Variants in EPHB4 observed in about 807,000 individuals in gnomAD.
The protein encoded by EPHB4 is EPH receptor B4, also known as ephrin type-B receptor 4.
Under a neutral mutation model 110.6 loss-of-function variants are expected in EPHB4, and 50 were observed. The observed-to-expected ratio is 0.45, with a 90% CI of 0.36 to 0.57. The LOEUF is 0.57. EPHB4 is among the 20% of genes least tolerant of loss of function. EPHB4 has a pLI of 0.00. For synonymous variants in EPHB4, 592 were observed against 578.4 expected (o/e 1.02, Z -0.34); for missense variants, 1,128 against 1,382.1 (o/e 0.82, Z 2.91).
chr7:100,816,536 G>A (rs1479710816), intron 8 of EPHB4, among the ~76,000 whole-genome samples: 2 of 151,960 alleles, frequency 1.3e-5, no homozygotes, highest in East Asian at 3.9e-4. Flanking sequence ...GTTTCACCAT[G>A]CTGGTCAGAC....
At chr7:100,803,618 G>A (rs1812749028) in intron 16 of EPHB4, 28 bp from the exon 17 acceptor site, 2 of 1,574,510 alleles carry the variant, frequency 1.3e-6, no homozygotes, top group African/African-American at 1.3e-5. Context: ...AGCTTGGTGA[G>A]ACCCTAGGTT....
At chr7:100,825,352 G>C (rs979407043) in intron 1 of EPHB4, 2 of 152,246 alleles carry the variant, frequency 1.3e-5, no homozygotes, top group East Asian at 1.9e-4. Flanking sequence ...TTCTGGGAAG[G>C]GGGTGGATAG....
chr7:100,825,217 C>T (rs1465761692), intron 1 of EPHB4: 2 of 152,170 alleles, frequency 1.3e-5, no homozygotes, highest in Admixed American at 6.5e-5. Context: ...CAGCCTCTTC[C>T]TGGGGACCAA....
rs1353584273 is a variant in EPHB4 at position 100,818,523 on chromosome 7, C to T, written c.1419G>A (p.Glu473=). 1.9e-6 allele frequency: 3 copies of T among 1,614,014 alleles called. No individual in the cohort carries two copies. The highest frequency in any genetic ancestry group is 2.5e-6 in the Non-Finnish European group (3 of 1,179,964). ...AVLDYEVKYH[E]KGAEGPSSVR... Reference sequence around the variant, plus strand: ...CAGGGCTGGGGGATGGCCTTACCTTCTCATGGTATTTGACCTCGTAGTCCA... The same window carrying T: ...CAGGGCTGGGGGATGGCCTTACCTTTTCATGGTATTTGACCTCGTAGTCCA... The change falls in exon 7 of 17, where the codon GAG becomes GAA. Residue 473 remains glutamate (E), a synonymous_variant. Coordinates refer to ENST00000358173, the MANE Select transcript of EPHB4 (RefSeq NM_004444.5).
In EPHB4 at chr7:100,822,995, G is replaced by T. The variant is rs1813275345; in HGVS notation, c.412-328C>A. On this transcript the variant is annotated intron_variant, in intron 3 of 16. Coordinates refer to ENST00000358173, the MANE Select transcript of EPHB4 (RefSeq NM_004444.5). The surrounding 1 kb of genome is among the most constrained non-coding windows in gnomAD (Gnocchi z 4.7). The stretch of plus-strand genomic sequence containing the variant: ...GAATGAATCCTGGGGAAGTTATAAA[G>T]TACCATGAGGCCGGGCGTAGTGCCT... Among the ~76,000 whole-genome samples the T allele has an allele frequency of 6.6e-6, 1 of 152,130 alleles. No individual in the cohort carries two copies. The highest frequency in any genetic ancestry group is 6.6e-5 in the Admixed American group (1 of 15,266).
Position 100,820,192 on chromosome 7 carries a change from G to C in EPHB4, c.913C>G (p.Arg305Gly). ...NTIGSAVCQCRVGYFRARTDP... is the reference protein window; with the variant it reads ...NTIGSAVCQCGVGYFRARTDP... ...GTGCGTGCCCGGAAGTACCCGACGC[G>C]GCACTGGCAGACGGCTGATCCAATG... The change falls in exon 5 of 17, where the codon CGC becomes GGC. Residue 305 changes from arginine (R) to glycine (G), a missense_variant. Physicochemically the swap from Arg to Gly is moderately radical, Grantham distance 125 (BLOSUM62 -2). Around this residue, in one of 3 missense-constraint regions of EPHB4, gnomAD observed 728 missense variants for 828.6 expected, o/e 0.88. Transcript: ENST00000358173. The C allele has an allele frequency of 6.2e-7, 1 of 1,614,102 alleles. No individual in the cohort carries two copies. The highest frequency in any genetic ancestry group is 8.5e-7 in the Non-Finnish European group (1 of 1,180,024).
chr7:100,806,126 AT>A, intron 14 of EPHB4: 1 of 248,204 alleles, frequency 4.0e-6, no homozygotes, highest in Non-Finnish European at 7.6e-6. Flanking sequence ...TGCTGGGCTA[AT>A]TTTTTGTATT....
intron 12 of EPHB4, among the ~76,000 whole-genome samples, chr7:100,809,359 G>C (rs1812881437): frequency 6.6e-6 from 1 of 151,580 alleles, no homozygotes; most frequent in African/African-American, 2.4e-5. Flanking sequence ...CACCTGCCCC[G>C]GCCTCCCCAA....
At position 100,814,137 on chromosome 7, in the gene EPHB4, A is replaced by AC. The variant is rs1173220417; in HGVS notation, c.1589-117_1589-116insG. ...AGAACAGGTCCCCAGTACAGGGGAC[A>AC]GGTGGAGGGAGAGGACACAAGCAGG... On this transcript the variant is annotated intron_variant, in intron 8 of 16. Coordinates refer to ENST00000358173, the MANE Select transcript of EPHB4 (RefSeq NM_004444.5). 4.6e-6 allele frequency: 5 copies of AC among 1,091,870 alleles called. No individual in the cohort carries two copies. In the African/African-American group the frequency reaches 7.9e-5, roughly 17 times the overall value. 67.6% of individuals were successfully genotyped at this position (1,091,870 alleles called of 1,614,324 possible). A position where few individuals can be genotyped will look rare whatever the true frequency, so the allele number is the denominator to read the frequency against.
intron 13 of EPHB4, 96 bp from the exon 14 acceptor site, chr7:100,806,665 T>C: frequency 1.4e-6 from 2 of 1,437,800 alleles, no homozygotes; most frequent in Non-Finnish European, 1.9e-6. Context: ...CCTCTGCTTT[T>C]TCCCCCTAGC....
Position 100,807,390 on chromosome 7 carries a change from G to C in EPHB4, c.2309C>G (p.Ser770Cys), listed in dbSNP as rs764351124. The C allele has an allele frequency of 6.2e-7, 1 of 1,613,880 alleles. No homozygotes were observed. The highest frequency in any genetic ancestry group is 1.7e-5 in the Admixed American group (1 of 59,972). ...CAGGGAGCTCGTGTAGGTGGGATCG[G>C]AAGAGTTCTCCTCCAGGAATCGGGA... ...GLSRFLEENS[S>C]DPTYTSSLGG... is the part of the protein sequence containing the mutation. Residue 770 changes from serine to cysteine, a missense_variant, in exon 13 of 17, where the codon TCC becomes TGC. Physicochemically the swap from Ser to Cys is moderately radical, Grantham distance 112. Transcript: ENST00000358173.
intron 12 of EPHB4, among the ~76,000 whole-genome samples, chr7:100,809,376 G>C (rs529365201): frequency 3.3e-5 from 5 of 152,178 alleles, no homozygotes; most frequent in Non-Finnish European, 5.9e-5. Context: ...CCAAGTGCTG[G>C]GATCACAAGT....
intron 8 of EPHB4, among the ~76,000 whole-genome samples, chr7:100,816,459 G>A (rs557505031): frequency 2.0e-5 from 3 of 151,530 alleles, no homozygotes; most frequent in Admixed American, 6.6e-5. Context: ...TCAGCCTCCC[G>A]AGTAGCTGGG....
chr7:100,815,010 G>A (rs978588970), intron 8 of EPHB4, among the ~76,000 whole-genome samples: 4 of 147,054 alleles, frequency 2.7e-5, no homozygotes, highest in African/African-American at 7.6e-5. Context: ...AAGCAAAATC[G>A]TGTGTTCAAA....
Position 100,817,329 on chromosome 7 carries a change from A to C in EPHB4, c.1451T>G (p.Phe484Cys). The C allele has an allele frequency of 6.3e-7, 1 of 1,584,302 alleles. No individual in the cohort carries two copies. The highest frequency in any genetic ancestry group is 8.6e-7 in the Non-Finnish European group (1 of 1,166,340). Residue 484 changes from phenylalanine to cysteine, a missense_variant, in exon 8 of 17, where the codon TTC (phenylalanine) becomes TGC (cysteine). This residue lies in a region of EPHB4 where 728 missense variants were observed against 828.6 expected (regional missense o/e 0.88). Transcript: ENST00000358173. Reference sequence around the variant, plus strand: ...TGCCCGGTTTTCTGACGTCTTCAGGAACCGCACGCTGCTGGGACCCTCGGC... The same window carrying C: ...TGCCCGGTTTTCTGACGTCTTCAGGCACCGCACGCTGCTGGGACCCTCGGC... ...KGAEGPSSVR[F>C]LKTSENRAEL...
chr7:100,806,197 T>G (rs1812814135), intron 14 of EPHB4: 1 of 397,664 alleles, frequency 2.5e-6, no homozygotes, highest in African/African-American at 2.1e-5. Context: ...TAACCTTAGG[T>G]GATCTGCCCA....
chr7:100,814,301 C>T lies in EPHB4; in HGVS notation c.1589-280G>A, dbSNP rs552018924. Reference sequence around the variant, plus strand: ...TAATTTTTTGTTTGTTTTTTTGAGACGCAGTCTCACTCTGTCGCCCAGGCT... The same window carrying T: ...TAATTTTTTGTTTGTTTTTTTGAGATGCAGTCTCACTCTGTCGCCCAGGCT... On this transcript the variant is annotated intron_variant, in intron 8 of 16. Coordinates refer to ENST00000358173, the MANE Select transcript of EPHB4 (RefSeq NM_004444.5). Among the ~76,000 whole-genome samples, 128 of 152,278 alleles carry T rather than the reference C, an allele frequency of 8.4e-4. No individual in the cohort carries two copies. In the South Asian group the frequency reaches 9.3e-3, roughly 11 times the overall value.
chr7:100,807,135 T>C (rs1812834260), intron 13 of EPHB4, among the ~76,000 whole-genome samples: 1 of 152,164 alleles, frequency 6.6e-6, no homozygotes, highest in African/African-American at 2.4e-5. Flanking sequence ...GCTAATCTTT[T>C]AATTTTTTTG....
chr7:100,817,014 C>T lies in EPHB4; in HGVS notation c.1588+178G>A, dbSNP rs183771158. 9.3e-3 allele frequency among the ~76,000 whole-genome samples: 1,261 copies of T among 136,080 alleles called. 17 individuals carry two copies. The highest frequency in any genetic ancestry group is 0.034 in the African/African-American group (1,213 of 36,186). The allele number at this position is 136,080 out of a possible 152,430, so 89.3% of individuals were successfully genotyped here. On this transcript the variant is annotated intron_variant, in intron 8 of 16. Coordinates refer to ENST00000358173, the MANE Select transcript of EPHB4 (RefSeq NM_004444.5). ...AGGAGAATGGCTTGAATCCGGGAGG[C>T]GGAGGTTGCAGTGAGCGGAGATGGT...
Sources: allele counts gnomAD v4.1 joint callset (sites outside exome capture counted in the v4.1 genomes callset), GRCh38; gene constraint gnomAD v4.1.1; regional missense constraint gnomAD v4.1.1; non-coding constraint Gnocchi (gnomAD v3.1); transcripts MANE v1.5; gene names NCBI Gene and HGNC (gene_info 2026-07-23, HGNC 2026-07-21).